The following DICER1 variants were observed in gnomAD, a reference collection of about 807,000 sequenced individuals.
The protein encoded by DICER1 is endoribonuclease Dicer.
In DICER1, 43 loss-of-function variants were observed where a neutral mutation model predicts 194.1. The observed-to-expected ratio is 0.22, with a 90% CI of 0.17 to 0.29. DICER1 has a LOEUF of 0.29. Ranked by LOEUF, DICER1 falls within the 10% of genes least tolerant of loss-of-function variation. DICER1 has a pLI of 1.00. For synonymous variants in DICER1, 832 were observed against 820.5 expected, an observed-to-expected ratio of 1.01 and a Z score of -0.24; for missense variants, 1,608 against 2,317.0, an observed-to-expected ratio of 0.69 and a Z score of 6.28.
At chr14:95,090,829 G>T in intron 26 of DICER1, 166 bp from the exon 27 acceptor site, 1 of 982,926 alleles carries the variant, frequency 1.0e-6, no homozygotes, top group Non-Finnish European at 1.6e-6. Context: ...CCGACAGACA[G>T]GGCTGCCGTC....
chr14:95,112,991 AAAATC>A, intron 12 of DICER1, 96 bp downstream of exon 12: 1 of 1,306,548 alleles, frequency 7.7e-7, no homozygotes, highest in Non-Finnish European at 1.1e-6. Context: ...AGTAGATTTT[AAAATC>A]AAATTTACCT....
intron 20 of DICER1, 89 bp from the exon 21 acceptor site, chr14:95,104,215 A>C: frequency 9.0e-7 from 1 of 1,111,472 alleles, no homozygotes; most frequent in Non-Finnish European, 1.3e-6. Context: ...AACAAAAACA[A>C]AGATCCCAAA....
At chr14:95,114,712 A>C (rs1892282506) in intron 11 of DICER1, among the ~76,000 whole-genome samples, 2 of 152,150 alleles carry the variant, frequency 1.3e-5, no homozygotes, top group Admixed American at 6.5e-5. Flanking sequence ...GACTTCACTC[A>C]AGTGATCTAA....
chr14:95,090,804 T>G (rs1889733153), intron 26 of DICER1, 141 bp from the exon 27 acceptor site: 1 of 1,072,758 alleles, frequency 9.3e-7, no homozygotes. Flanking sequence ...TACGACTTAC[T>G]GCAATTGCAT....
chr14:95,138,095 T>C (rs1894543617), intron 1 of DICER1: 1 of 154,290 alleles, frequency 6.5e-6, no homozygotes, highest in Non-Finnish European at 1.5e-5. Flanking sequence ...CACTCAAGTA[T>C]GTGGATCCTA....
intron 11 of DICER1, among the ~76,000 whole-genome samples, chr14:95,113,885 C>T (rs536578245): frequency 1.3e-5 from 2 of 152,282 alleles, no homozygotes; most frequent in Admixed American, 1.3e-4. Flanking sequence ...TGCAGCCCTA[C>T]AGAGCAGGGA....
rs1045097916 is a variant in DICER1 at position 95,112,212 on chromosome 14, T to C, written c.2076A>G (p.Arg692=). 3 of 1,613,960 alleles carry C rather than the reference T, an allele frequency of 1.9e-6. No homozygotes were observed. Among genetic ancestry groups the C allele is most frequent in the Non-Finnish European group, 2.5e-6 (3 of 1,179,986 alleles). The change falls in exon 13 of 27, where the codon AGA becomes AGG. Residue 692 remains arginine, a synonymous_variant. Transcript: ENST00000343455. The part of the protein sequence containing the change: ...PPMSCVRLAE[R]VVALICCEKL... The stretch of plus-strand genomic sequence containing the variant: ...TCTCACAGCAAATGAGAGCTACAAC[T>C]CTTTCAGCCAATCGTACACAGCTCA...
At chr14:95,112,683 A>G (rs1239458248) in intron 12 of DICER1, among the ~76,000 whole-genome samples, 3 of 152,214 alleles carry the variant, frequency 2.0e-5, no homozygotes, top group Non-Finnish European at 4.4e-5. Flanking sequence ...CAAAAAGCAG[A>G]TTTTTGAGTC....
chr14:95,090,529 T>C lies in DICER1; in HGVS notation c.5738A>G (p.Lys1913Arg), dbSNP rs752116341. 5.2e-5 allele frequency: 84 copies of C among 1,614,026 alleles called. No homozygotes were observed. Among genetic ancestry groups the C allele is most frequent in the Admixed American group, 3.0e-4 (18 of 60,006 alleles). Residue 1913 changes from lysine to arginine, a missense_variant, in exon 27 of 27, where the codon AAA (lysine) becomes AGA (arginine). Around this residue, in one of 10 missense-constraint regions of DICER1, gnomAD observed 138 missense variants for 298.3 expected, o/e 0.46. Coordinates refer to ENST00000343455, the MANE Select transcript of DICER1 (RefSeq NM_177438.3). The part of the protein sequence containing the change: ...AAARRALRSL[K>R]ANQPQVPNS ...ATTGGGAACCTGAGGTTGATTAGCT[T>C]TGAGGCTTCGGAGGGCTCTTCTTGC...
At chr14:95,123,275 T>C (rs1893103096) in intron 8 of DICER1, among the ~76,000 whole-genome samples, 1 of 152,226 alleles carries the variant, frequency 6.6e-6, no homozygotes, top group Non-Finnish European at 1.5e-5. Flanking sequence ...ATCCACGGCC[T>C]AAAATTTGGA....
At chr14:95,146,421 C>A (rs1241295525) in intron 1 of DICER1, among the ~76,000 whole-genome samples, 1 of 152,188 alleles carries the variant, frequency 6.6e-6, no homozygotes, top group Non-Finnish European at 1.5e-5. Flanking sequence ...AGCACACACT[C>A]CCCTATTCTG....
intron 1 of DICER1, among the ~76,000 whole-genome samples, chr14:95,137,293 GCAAAAGAAAAA>G (rs1894459738): frequency 7.3e-6 from 1 of 137,026 alleles, no homozygotes; most frequent in African/African-American, 2.7e-5. Flanking sequence ...GAAGGGAAAG[GCAAAAGAAAAA>G]GGAAAAGGGA....
In DICER1 at chr14:95,104,123, G is replaced by A. The variant is rs886037698; in HGVS notation, c.3273C>T (p.Tyr1091=). 6.2e-7 allele frequency: 1 copy of A among 1,611,262 alleles called. No homozygotes were observed. Among genetic ancestry groups the A allele is most frequent in the Non-Finnish European group, 8.5e-7 (1 of 1,179,292 alleles). ...GVRSLPADFR[Y]PNLDFGWKKS... ...TTTTCCACCCGAAGTCTAAGTTAGG[G>A]TATCTGCAAAGACATTTTTATAACT... Residue 1091 remains tyrosine, a synonymous_variant, in exon 21 of 27, where the codon TAC becomes TAT. Transcript: ENST00000343455.
chr14:95,137,335 A>AGG (rs1270363793), intron 1 of DICER1, among the ~76,000 whole-genome samples: 4 of 130,654 alleles, frequency 3.1e-5, no homozygotes, highest in African/African-American at 9.0e-5. Flanking sequence ...GGAAAGGGAA[A>AGG]GGGGAAGGGG....
At chr14:95,093,663 C>A (rs1390201477) in intron 24 of DICER1, among the ~76,000 whole-genome samples, 1 of 152,166 alleles carries the variant, frequency 6.6e-6, no homozygotes, top group African/African-American at 2.4e-5. Flanking sequence ...GGCCTGGTTC[C>A]TTCTCTTCAC....
chr14:95,117,276 GT>G, intron 9 of DICER1, among the ~76,000 whole-genome samples: 1 of 151,950 alleles, frequency 6.6e-6, no homozygotes, highest in East Asian at 1.9e-4. Context: ...AAAGATTTCA[GT>G]TTGTTAATTC....
chr14:95,123,484 G>A (rs983583161), intron 8 of DICER1, among the ~76,000 whole-genome samples: 2 of 152,142 alleles, frequency 1.3e-5, no homozygotes, highest in Non-Finnish European at 2.9e-5. Context: ...GTGCAGTGGT[G>A]CCATCTCAGC....
intron 8 of DICER1, among the ~76,000 whole-genome samples, chr14:95,117,997 G>C (rs1248715060): frequency 1.3e-5 from 2 of 152,160 alleles, no homozygotes; most frequent in Non-Finnish European, 2.9e-5. Context: ...AAATGAAATG[G>C]TCACGTTACC....
intron 1 of DICER1, among the ~76,000 whole-genome samples, chr14:95,146,158 CAA>C (rs1279411043): frequency 9.2e-5 from 14 of 152,202 alleles, no homozygotes; most frequent in Non-Finnish European, 2.1e-4. Flanking sequence ...ACCTTCAAAT[CAA>C]AGACAGTTTA....
Sources: gnomAD v4.1 joint callset for allele counts (sites outside exome capture counted in the v4.1 genomes callset) on GRCh38, gnomAD v4.1.1 for gene constraint, gnomAD v4.1.1 regional missense constraint, MANE v1.5 for transcripts, NCBI Gene and HGNC (gene_info 2026-07-23, HGNC 2026-07-21) for gene names.